MPHOSPH9: variants seen among roughly 807,000 people sequenced by gnomAD.
MPHOSPH9 encodes M-phase phosphoprotein 9.
Under a neutral mutation model 145.5 loss-of-function variants are expected in MPHOSPH9, and 88 were observed. The observed-to-expected ratio is 0.60, with a 90% CI of 0.51 to 0.72. MPHOSPH9 has a LOEUF of 0.72. Ranked by LOEUF, MPHOSPH9 falls within the 30% of genes least tolerant of loss-of-function variation. The pLI is 0.00. For missense variants in MPHOSPH9, 1,238 were observed against 1,386.6 expected (o/e 0.89, Z 1.70); for synonymous variants, 435 against 486.2 (o/e 0.89, Z 1.39).
intron 3 of MPHOSPH9, among the ~76,000 whole-genome samples, chr12:123,225,938 A>C (rs900764867): frequency 5.9e-5 from 9 of 152,320 alleles, no homozygotes; most frequent in Non-Finnish European, 1.3e-4. Flanking sequence ...CGGGAGACTG[A>C]GGCAGGAGAA....
intron 8 of MPHOSPH9, among the ~76,000 whole-genome samples, chr12:123,204,299 T>C (rs1651396114): frequency 2.4e-5 from 2 of 84,954 alleles, no homozygotes; most frequent in Non-Finnish European, 6.2e-5. Context: ...CGAAACTCCG[T>C]CTCAAAAAAA....
chr12:123,161,804 T>C (rs1565895449), intron 21 of MPHOSPH9, among the ~76,000 whole-genome samples: 1 of 151,904 alleles, frequency 6.6e-6, no homozygotes, highest in Non-Finnish European at 1.5e-5. Context: ...AAATTTAGAA[T>C]ATAAATGAGA....
chr12:123,185,629 C>A (rs2045409635), intron 13 of MPHOSPH9, among the ~76,000 whole-genome samples: 1 of 152,060 alleles, frequency 6.6e-6, no homozygotes, highest in African/African-American at 2.4e-5. Context: ...TCTGTAGTCT[C>A]AGCAGTCGGA....
At chr12:123,231,692 A>G (rs1825182158) in intron 1 of MPHOSPH9, among the ~76,000 whole-genome samples, 1 of 151,908 alleles carries the variant, frequency 6.6e-6, no homozygotes, top group African/African-American at 2.4e-5. Context: ...CCAAGACCCC[A>G]TCTCTTAAAA....
At chr12:123,176,960 G>A (rs1276526652) in intron 15 of MPHOSPH9, among the ~76,000 whole-genome samples, 171 bp from the exon 16 acceptor site, 1 of 151,986 alleles carries the variant, frequency 6.6e-6, no homozygotes, top group African/African-American at 2.4e-5. Flanking sequence ...GGGAGGCGGA[G>A]GCAGGTGGAT....
intron 1 of MPHOSPH9, 139 bp downstream of exon 1, chr12:123,232,936 G>C (rs1466142300): frequency 6.6e-6 from 1 of 152,432 alleles, no homozygotes; most frequent in East Asian, 1.9e-4. Flanking sequence ...AGGGCTCCGA[G>C]GGGGTCAGGC....
chr12:123,203,004 G>C lies in MPHOSPH9; in HGVS notation c.1401C>G (p.Ala467=). 7 of 1,614,160 alleles carry C rather than the reference G, an allele frequency of 4.3e-6. No individual in the cohort carries two copies. The highest frequency in any genetic ancestry group is 5.9e-6 in the Non-Finnish European group (7 of 1,180,046). ...GGGAAAAGGATATTCTGTCATCAAG[G>C]GCATTCGGAAGGCCGTGAGGTTGAA... ...SGIQPHGLPN[A]LDDRISFSPD... The change falls in exon 10 of 24, where the codon GCC becomes GCG. Residue 467 remains alanine, a synonymous_variant. Transcript: ENST00000606320.
chr12:123,190,664 C>T (rs975555345), intron 13 of MPHOSPH9, among the ~76,000 whole-genome samples: 5 of 152,164 alleles, frequency 3.3e-5, no homozygotes, highest in African/African-American at 1.2e-4. Context: ...ACAATTCATA[C>T]ATTGCTTAAG....
chr12:123,193,714 T>C (rs1341582669), intron 13 of MPHOSPH9, among the ~76,000 whole-genome samples: 1 of 152,108 alleles, frequency 6.6e-6, no homozygotes, highest in African/African-American at 2.4e-5. Flanking sequence ...TGAAATTATA[T>C]CAAAGTGAAA....
intron 13 of MPHOSPH9, among the ~76,000 whole-genome samples, chr12:123,183,062 T>A (rs1206139378): frequency 6.7e-6 from 1 of 149,534 alleles, no homozygotes; most frequent in African/African-American, 2.5e-5. Context: ...AAAAATATTT[T>A]AAAAAATAAA....
intron 1 of MPHOSPH9, among the ~76,000 whole-genome samples, chr12:123,231,090 T>C (rs2047617082): frequency 6.6e-6 from 1 of 152,238 alleles, no homozygotes; most frequent in Non-Finnish European, 1.5e-5. Context: ...TAAGGATTAT[T>C]TGCAAAAGTA....
chr12:123,175,406 G>T (rs1360901220), intron 16 of MPHOSPH9, among the ~76,000 whole-genome samples: 5 of 152,048 alleles, frequency 3.3e-5, no homozygotes, highest in Non-Finnish European at 7.4e-5. Flanking sequence ...GCCCGCCTCG[G>T]CCTCCCAAAC....
chr12:123,190,841 C>T (rs1041963321), intron 13 of MPHOSPH9, among the ~76,000 whole-genome samples: 8 of 152,074 alleles, frequency 5.3e-5, no homozygotes, highest in Admixed American at 1.3e-4. Flanking sequence ...AAGGCTAGAA[C>T]GGTATTTGTT....
rs183546338 is a variant in MPHOSPH9 at position 123,163,003 on chromosome 12, A to G, written c.3029+11T>C. On this transcript the variant is annotated intron_variant, in intron 20 of 23. Coordinates refer to ENST00000606320, the MANE Select transcript of MPHOSPH9 (RefSeq NM_022782.4). ...ATAGTAAACTTTATTCTACAATTTT[A>G]GAGAACTTACCGAATTGGACTGCTC... 25 of 1,537,434 alleles carry G rather than the reference A, an allele frequency of 1.6e-5. No homozygotes were observed. In the Admixed American group the frequency reaches 3.2e-4, roughly 20 times the overall value.
chr12:123,168,334 T>A (rs1367962012), intron 16 of MPHOSPH9, among the ~76,000 whole-genome samples: 2 of 149,736 alleles, frequency 1.3e-5, no homozygotes, highest in East Asian at 2.0e-4. Context: ...CCTGGCAACA[T>A]GACTTTCTTT....
intron 1 of MPHOSPH9, among the ~76,000 whole-genome samples, chr12:123,240,214 A>C (rs1335367802): frequency 1.3e-5 from 2 of 148,860 alleles, no homozygotes; most frequent in Admixed American, 1.3e-4. Context: ...AAATACAAAA[A>C]AAAAAAAAAA....
intron 16 of MPHOSPH9, among the ~76,000 whole-genome samples, chr12:123,170,174 G>C (rs998055040): frequency 2.1e-5 from 3 of 145,984 alleles, no homozygotes; most frequent in Non-Finnish European, 4.5e-5. Flanking sequence ...ACAGAGTCTC[G>C]CTCTGTCACC....
chr12:123,184,547 G>GA (rs2045350357), intron 13 of MPHOSPH9, among the ~76,000 whole-genome samples: 1 of 151,596 alleles, frequency 6.6e-6, no homozygotes, highest in African/African-American at 2.4e-5. Context: ...GCCCAGGCTG[G>GA]AGTGCAGTAG....
At chr12:123,185,792 C>T (rs953147505) in intron 13 of MPHOSPH9, among the ~76,000 whole-genome samples, 4 of 151,864 alleles carry the variant, frequency 2.6e-5, no homozygotes, top group African/African-American at 7.3e-5. Context: ...TGATTGGATT[C>T]TGGATTAAAA....
Sources: allele counts gnomAD v4.1 joint callset (sites outside exome capture counted in the v4.1 genomes callset), GRCh38; gene constraint gnomAD v4.1.1; transcripts MANE v1.5; gene names NCBI Gene and HGNC (gene_info 2026-07-23, HGNC 2026-07-21).